The following CTNNA3 variants were observed in gnomAD, a reference collection of about 807,000 sequenced individuals.
CTNNA3 encodes catenin alpha-3.
In CTNNA3, 76 loss-of-function variants were observed where a neutral mutation model predicts 95.7. That is an observed-to-expected ratio of 0.79 (90% CI 0.66 to 0.96). The LOEUF (loss-of-function observed/expected upper bound fraction) is 0.96, where lower values mean the gene tolerates loss of function less well. Ranked by LOEUF, CTNNA3 falls within the 40% of genes least tolerant of loss-of-function variation. The probability of loss-of-function intolerance (pLI) is 0.00; values close to 1 mark genes in which losing one functional copy is unlikely to be tolerated. For synonymous variants in CTNNA3, 431 were observed against 374.4 expected (o/e 1.15, Z -1.74); for missense variants, 1,191 against 1,089.8 (o/e 1.09, Z -1.31).
intron 5 of CTNNA3, among the ~76,000 whole-genome samples, chr10:67,234,107 C>T (rs1159397474): frequency 7.9e-5 from 12 of 152,156 alleles, no homozygotes; most frequent in Admixed American, 6.5e-4. Flanking sequence ...GGTACCATTC[C>T]TTCTGAAACT....
intron 1 of CTNNA3, among the ~76,000 whole-genome samples, chr10:67,670,914 G>A (rs752606493): frequency 9.2e-5 from 14 of 151,860 alleles, no homozygotes; most frequent in Non-Finnish European, 1.5e-4. Context: ...AAATAATATT[G>A]TATTTCCCAT....
At chr10:67,750,642 T>C in intron 1 of CTNNA3, 1 of 1,548,074 alleles carries the variant, frequency 6.5e-7, no homozygotes, top group Non-Finnish European at 8.9e-7. Context: ...AGTCTGGGGA[T>C]GATTTTTTCC....
At chr10:66,862,432 C>T (rs1773604981) in intron 7 of CTNNA3, among the ~76,000 whole-genome samples, 1 of 152,064 alleles carries the variant, frequency 6.6e-6, no homozygotes, top group South Asian at 2.1e-4. Context: ...AAATAACATA[C>T]ATTAATAGAT....
At chr10:66,512,125 G>T (rs139006601) in intron 11 of CTNNA3, among the ~76,000 whole-genome samples, 1 of 151,740 alleles carries the variant, frequency 6.6e-6, no homozygotes, top group Non-Finnish European at 1.5e-5. Flanking sequence ...ACTATATAAT[G>T]ACCTCTGTGT....
At chr10:66,525,664 A>AAT (rs1252609505) in intron 10 of CTNNA3, among the ~76,000 whole-genome samples, 1 of 152,106 alleles carries the variant, frequency 6.6e-6, no homozygotes, top group African/African-American at 2.4e-5. Context: ...AGAGAGAAAG[A>AAT]ATATATATAT....
At chr10:66,766,961 T>C (rs1036251600) in intron 8 of CTNNA3, among the ~76,000 whole-genome samples, 1 of 152,066 alleles carries the variant, frequency 6.6e-6, no homozygotes, top group Admixed American at 6.5e-5. Flanking sequence ...TTTGCATTCA[T>C]TGTTCTTGCC....
Position 67,301,994 on chromosome 10 carries a change from CGAAAGAACGAAAGAAAGAAA to C in CTNNA3, c.580-82144_580-82125del, listed in dbSNP as rs1320389661. 8.2e-3 allele frequency among the ~76,000 whole-genome samples: 300 copies of C among 36,606 alleles called. 7 individuals are homozygous for C. Among genetic ancestry groups the C allele is most frequent in the East Asian group, 0.014 (17 of 1,228 alleles). 24.0% of individuals were successfully genotyped at this position (36,606 alleles called of 152,430 possible). ...AAAGAAAAAAGAAAGAAAGAAAGAA[CGAAAGAACGAAAGAAAGAAA>C]GAAAGAAAGAAAGAAAGAAAGAAAG... is the stretch of plus-strand genomic sequence containing the variant. On this transcript the variant is annotated intron_variant, in intron 5 of 17. Coordinates refer to ENST00000433211, the MANE Select transcript of CTNNA3 (RefSeq NM_013266.4).
At chr10:66,395,242 G>A (rs548054921) in intron 11 of CTNNA3, among the ~76,000 whole-genome samples, 1 of 151,994 alleles carries the variant, frequency 6.6e-6, no homozygotes, top group South Asian at 2.1e-4. Context: ...TTGCTCAGAG[G>A]TGCACAAAAA....
At chr10:66,315,795 C>A (rs562427511) in intron 12 of CTNNA3, among the ~76,000 whole-genome samples, 5 of 152,146 alleles carry the variant, frequency 3.3e-5, no homozygotes, top group African/African-American at 1.2e-4. Flanking sequence ...CTCTTAGGAA[C>A]TGGAAAAGCT....
intron 5 of CTNNA3, among the ~76,000 whole-genome samples, chr10:67,488,670 C>T (rs1201479700): frequency 1.8e-5 from 2 of 111,884 alleles, no homozygotes; most frequent in South Asian, 3.0e-4. Context: ...AGTGCCCGGC[C>T]TCTTTTTTTT....
Position 66,890,081 on chromosome 10 carries a change from G to A in CTNNA3, c.1048-114557C>T, listed in dbSNP as rs117061451. On this transcript the variant is annotated intron_variant, in intron 7 of 17. Coordinates refer to ENST00000433211, the MANE Select transcript of CTNNA3 (RefSeq NM_013266.4). The stretch of plus-strand genomic sequence containing the variant: ...GCTGGGATTACAGGCATGAGCCACC[G>A]CACCCGGCCGGAACCACAGATTTAA... 0.03 allele frequency among the ~76,000 whole-genome samples: 4,499 copies of A among 152,190 alleles called. 367 individuals carry two copies. In the East Asian group the frequency reaches 0.34, roughly 11 times the overall value.
intron 7 of CTNNA3, among the ~76,000 whole-genome samples, chr10:67,020,937 G>A (rs1005920006): frequency 3.3e-5 from 5 of 152,152 alleles, no homozygotes; most frequent in Non-Finnish European, 4.4e-5. Flanking sequence ...ACACTACCCG[G>A]AAGATAGTGT....
intron 9 of CTNNA3, among the ~76,000 whole-genome samples, chr10:66,744,325 A>G (rs189555141): frequency 8.5e-5 from 13 of 152,298 alleles, no homozygotes; most frequent in Admixed American, 6.5e-4. Flanking sequence ...TAAGGACTCT[A>G]TGTCTTTTGC....
chr10:66,267,742 T>G (rs1040159245), intron 13 of CTNNA3, among the ~76,000 whole-genome samples: 1 of 152,156 alleles, frequency 6.6e-6, no homozygotes, highest in Admixed American at 6.6e-5. Context: ...ACATTCCACA[T>G]ACCCTCCTCA....
intron 9 of CTNNA3, among the ~76,000 whole-genome samples, chr10:66,645,977 T>C (rs1845693866): frequency 6.6e-6 from 1 of 152,210 alleles, no homozygotes; most frequent in South Asian, 2.1e-4. Context: ...TAAAACTTAA[T>C]ATCAGGTAGA....
chr10:66,347,947 G>C (rs2092537275), intron 12 of CTNNA3, among the ~76,000 whole-genome samples: 1 of 152,040 alleles, frequency 6.6e-6, no homozygotes, highest in South Asian at 2.1e-4. Context: ...ACTTGTTAGA[G>C]ACATGAGTTC....
At chr10:67,379,719 A>G (rs890117415) in intron 5 of CTNNA3, among the ~76,000 whole-genome samples, 1 of 152,192 alleles carries the variant, frequency 6.6e-6, no homozygotes, top group Non-Finnish European at 1.5e-5. Flanking sequence ...CCATGAGTAG[A>G]GCATAGAATT....
chr10:67,067,223 A>T (rs541756983), intron 7 of CTNNA3, among the ~76,000 whole-genome samples: 20 of 152,180 alleles, frequency 1.3e-4, no homozygotes, highest in African/African-American at 4.8e-4. Context: ...AACAATTTTT[A>T]AGTATGTGTG....
intron 13 of CTNNA3, among the ~76,000 whole-genome samples, chr10:66,158,607 C>G (rs1182809496): frequency 1.3e-5 from 2 of 152,074 alleles, no homozygotes; most frequent in Admixed American, 1.3e-4. Context: ...GTTCTTTTTG[C>G]TTAGTCTTGC....
Sources: allele counts gnomAD v4.1 joint callset (sites outside exome capture counted in the v4.1 genomes callset), GRCh38; gene constraint gnomAD v4.1.1; transcripts MANE v1.5; gene names NCBI Gene and HGNC (gene_info 2026-07-23, HGNC 2026-07-21).